Variants in RASAL3 observed in about 807,000 individuals in gnomAD.
RASAL3 encodes RAS protein activator like 3, also known as RAS protein activator like-3.
Under a neutral mutation model 105.5 loss-of-function variants are expected in RASAL3, and 74 were observed. The ratio of observed to expected loss-of-function variants is 0.70; its 90% CI spans 0.58 to 0.85. The LOEUF (loss-of-function observed/expected upper bound fraction) is 0.85, where lower values mean the gene tolerates loss of function less well. RASAL3 is among the 40% of genes least tolerant of loss of function. The pLI, the probability that RASAL3 is intolerant of heterozygous loss-of-function variation, is 0.00. For missense variants in RASAL3, 1,352 were observed against 1,392.0 expected (o/e 0.97, Z 0.46); for synonymous variants, 579 against 591.6 (o/e 0.98, Z 0.31).
chr19:15,462,671 G>A (rs1293888138), intron 2 of RASAL3, among the ~76,000 whole-genome samples: 1 of 151,888 alleles, frequency 6.6e-6, no homozygotes, highest in Non-Finnish European at 1.5e-5. Context: ...TTGGGCCTGG[G>A]GCCGGGCGCG....
rs141449041 is a variant in RASAL3, at chr19:15,457,702, C to T, written c.1021G>A (p.Ala341Thr). ...WLDGALLART[A>T]PRAGPGQLFW... ...AGCTGGCCTGGGCCGGCCCGAGGCG[C>T]CGTGCGTGCCAGCAGCGCGCCATCC... is the stretch of plus-strand genomic sequence containing the variant. The change falls in exon 9 of 18, where the codon GCG becomes ACG. Residue 341 changes from alanine to threonine, a missense_variant. This residue lies in a region of RASAL3 where 88 missense variants were observed against 132.7 expected (regional missense o/e 0.66). Coordinates refer to ENST00000343625, the MANE Select transcript of RASAL3 (RefSeq NM_022904.3). The surrounding 1 kb of genome is among the most constrained non-coding windows in gnomAD (Gnocchi z 8.6). The T allele has an allele frequency of 3.0e-3, 4,389 of 1,475,284 alleles. 123 individuals carry two copies. In the Admixed American group the frequency reaches 0.063, roughly 21 times the overall value. 91.4% of individuals were successfully genotyped at this position (1,475,284 alleles called of 1,614,324 possible). A position where few individuals can be genotyped will look rare whatever the true frequency, so the allele number is the denominator to read the frequency against.
intron 15 of RASAL3, 60 bp from the exon 16 acceptor site, chr19:15,452,875 A>C: frequency 6.7e-7 from 1 of 1,481,620 alleles, no homozygotes; most frequent in East Asian, 2.5e-5. Flanking sequence ...CTCCCCGGAG[A>C]CCCTGACCTC....
At position 15,452,120 on chromosome 19, in the gene RASAL3, G is replaced by A. The variant is rs779608771; in HGVS notation, c.2829-12C>T. ...CAAACTCTGAGCTCCTGTGGGGGTC[G>A]GGGGATTGGGGCGAAGGGCAGAGGC... On this transcript the variant is annotated splice_polypyrimidine_tract_variant and intron_variant, in intron 16 of 17. Transcript: ENST00000343625. 1.2e-6 allele frequency: 2 copies of A among 1,613,544 alleles called. No individual in the cohort carries two copies. Among genetic ancestry groups the A allele is most frequent in the Non-Finnish European group, 1.7e-6 (2 of 1,179,652 alleles).
chr19:15,460,980 A>C, intron 5 of RASAL3, 80 bp downstream of exon 5: 1 of 1,345,504 alleles, frequency 7.4e-7, no homozygotes, highest in South Asian at 1.2e-5. Context: ...CAGATCACCC[A>C]GCAAGAGTGC....
At chr19:15,452,852 C>A in intron 15 of RASAL3, 37 bp from the exon 16 acceptor site, 1 of 1,499,924 alleles carries the variant, frequency 6.7e-7, no homozygotes, top group South Asian at 1.3e-5. Flanking sequence ...GACCCGTTGT[C>A]CCGCCCCTGT....
Position 15,456,575 on chromosome 19 carries a change from T to C in RASAL3, c.1503A>G (p.Glu501=), listed in dbSNP as rs755425031. Residue 501 remains glutamate (E), a synonymous_variant, in exon 10 of 18, where the codon GAA becomes GAG. Transcript: ENST00000343625. The surrounding 1 kb of genome is among the most constrained non-coding windows in gnomAD (Gnocchi z 4.4). ...CGGREALLFR[E]NTLATKAIDE... is the part of the protein sequence containing the mutation. ...CGATAGCCTTGGTGGCCAATGTGTT[T>C]TCCCGGAACAGCAGCGCCTCACGGC... The C allele has an allele frequency of 1.9e-6, 3 of 1,613,792 alleles. No individual in the cohort carries two copies. The highest frequency in any genetic ancestry group is 3.3e-5 in the Admixed American group (2 of 59,982).
At position 15,453,272 on chromosome 19, in the gene RASAL3, C is replaced by G. The variant is rs1970215552; in HGVS notation, c.2505G>C (p.Trp835Cys). ...PARRRQSAGP[W>C]PRPKGSLSMG... ...TGCTCAGGGAGCCTTTGGGTCGCGG[C>G]CAGGGCCCCGCAGATTGGCGGCGGC... Residue 835 changes from tryptophan (W) to cysteine (C), a missense_variant, in exon 15 of 18, where the codon TGG (tryptophan) becomes TGC (cysteine). Trp to Cys is a radical substitution (Grantham distance 215, BLOSUM62 -2). Transcript: ENST00000343625. This position sits in a 1 kb window ranked among gnomAD's most constrained non-coding sequence, Gnocchi z 4.2. 2 of 1,551,586 alleles carry G rather than the reference C, an allele frequency of 1.3e-6. No homozygotes were observed. The highest frequency in any genetic ancestry group is 4.8e-5 in the East Asian group (2 of 41,472).
At chr19:15,454,038 A>G (rs1159945583) in intron 14 of RASAL3, 111 bp downstream of exon 14, 16 of 760,106 alleles carry the variant, frequency 2.1e-5, no homozygotes. Context: ...TTCCCGTCTG[A>G]CCCTGGGCTT....
At position 15,453,783 on chromosome 19, in the gene RASAL3, G is replaced by A. The variant is rs1484145836; in HGVS notation, c.2280-286C>T. 6.7e-6 allele frequency among the ~76,000 whole-genome samples: 1 copy of A among 150,366 alleles called. No homozygotes were observed. Among genetic ancestry groups the A allele is most frequent in the Non-Finnish European group, 1.5e-5 (1 of 67,644 alleles). ...GGTAATTTTTTTTTTTTTTGGTAGA[G>A]ATGGGGTCTCCCTATGTTGCCCAGG... On this transcript the variant is annotated intron_variant, in intron 14 of 17. Transcript: ENST00000343625. This position sits in a 1 kb window ranked among gnomAD's most constrained non-coding sequence, Gnocchi z 4.2.
rs1054660586 is a variant in RASAL3, at chr19:15,458,740, G to A, written c.663-85C>T. ...TGAAGGGTAGAGGAAGGCCAGGAAG[G>A]ACTTCAACCCAATTCGGATCCCGTT... On this transcript the variant is annotated intron_variant, in intron 6 of 17. Transcript: ENST00000343625. 11 of 1,509,882 alleles carry A rather than the reference G, an allele frequency of 7.3e-6. No individual in the cohort carries two copies. The African/African-American group carries it at 1.2e-4, about 17-fold the overall frequency. 93.5% of individuals were successfully genotyped at this position (1,509,882 alleles called of 1,614,324 possible).
Position 15,452,772 on chromosome 19 carries a change from T to C in RASAL3, c.2714A>G (p.Gln905Arg), listed in dbSNP as rs776491854. The C allele has an allele frequency of 1.3e-6, 2 of 1,564,404 alleles. No homozygotes were observed. The highest frequency in any genetic ancestry group is 1.7e-6 in the Non-Finnish European group (2 of 1,154,016). The part of the protein sequence containing the change: ...QCEVAALREE[Q>R]KVLSRLVESL... ...CTCCACGAGGCGGGACAGCACTTTC[T>C]GCTCCTCACGCAGAGCGGCCACCTC... is the stretch of plus-strand genomic sequence containing the variant. Residue 905 changes from glutamine to arginine, a missense_variant, in exon 16 of 18, where the codon CAG (glutamine) becomes CGG (arginine). Gln to Arg is a conservative substitution (Grantham distance 43). Coordinates refer to ENST00000343625, the MANE Select transcript of RASAL3 (RefSeq NM_022904.3).
Position 15,464,120 on chromosome 19 carries a change from G to A in RASAL3, c.239C>T (p.Thr80Ile), listed in dbSNP as rs541077407. The change falls in exon 2 of 18, where the codon ACC becomes ATC. Residue 80 changes from threonine (T) to isoleucine (I), a missense_variant. Thr to Ile is a moderately conservative substitution (Grantham distance 89). Transcript: ENST00000343625. ...VLSAPPKESR[T>I]SRLRLSKALW... Reference sequence around the variant, plus strand: ...GGCCTTGGAGAGTCGAAGGCGACTGGTCCGTGACTCCTTGGGAGGCGCAGA... The same window carrying A: ...GGCCTTGGAGAGTCGAAGGCGACTGATCCGTGACTCCTTGGGAGGCGCAGA... The A allele has an allele frequency of 1.3e-4, 208 of 1,613,520 alleles. 5 individuals carry two copies. In the South Asian group the frequency reaches 2.1e-3, roughly 16 times the overall value.
rs765830799 is a variant in RASAL3 at position 15,453,459 on chromosome 19, CG to C, written c.2317del (p.Arg773GlyfsTer70). The C allele has an allele frequency of 1.1e-5, 17 of 1,544,350 alleles. No homozygotes were observed. Among genetic ancestry groups the C allele is most frequent in the South Asian group, 7.3e-5 (6 of 82,316 alleles). On this transcript the variant is annotated frameshift_variant, in exon 15 of 18. Coordinates refer to ENST00000343625, the MANE Select transcript of RASAL3 (RefSeq NM_022904.3). LOFTEE classifies it high-confidence loss of function. The surrounding 1 kb of genome is among the most constrained non-coding windows in gnomAD (Gnocchi z 4.2). ...AGEKPGFLAP[R>X]DLPKHTPLIS... ...GAGAGGGGTGTGCTTGGGGAGGTCC[CG>C]GGGGGCCAGGAAGCCGGGCTTCTCC...
At position 15,464,047 on chromosome 19, in the gene RASAL3, C is replaced by T. The variant is rs78677793; in HGVS notation, c.312G>A (p.Pro104=). The T allele has an allele frequency of 0.15, 235,732 of 1,566,946 alleles. 18,771 individuals are homozygous for T. Among genetic ancestry groups the T allele is most frequent in the Non-Finnish European group, 0.17 (191,590 of 1,154,256 alleles). Residue 104 remains proline, a synonymous_variant, in exon 2 of 18, where the codon CCG becomes CCA. Coordinates refer to ENST00000343625, the MANE Select transcript of RASAL3 (RefSeq NM_022904.3). ...KNPPPEPDPE[P]EQEAPELEPE... The stretch of plus-strand genomic sequence containing the variant: ...ACCATGTACCTGGGGCCTCCTGCTC[C>T]GGCTCCGGGTCTGGCTCCGGCGGTG...
At chr19:15,452,517 C>T (rs947523327) in intron 16 of RASAL3, 141 bp downstream of exon 16, 1 of 753,630 alleles carries the variant, frequency 1.3e-6, no homozygotes, top group African/African-American at 2.0e-5. Flanking sequence ...AGAGGCAGGG[C>T]CTGGACAGAC....
chr19:15,453,600 T>TA lies in RASAL3; in HGVS notation c.2280-104_2280-103insT. The TA allele has an allele frequency of 8.1e-7, 1 of 1,229,820 alleles. No individual in the cohort carries two copies. Among genetic ancestry groups the TA allele is most frequent in the Non-Finnish European group, 1.1e-6 (1 of 930,310 alleles). The allele number at this position is 1,229,820 out of a possible 1,614,324, so 76.2% of individuals were successfully genotyped here. A position where few individuals can be genotyped will look rare whatever the true frequency, so the allele number is the denominator to read the frequency against. ...TCACCCCCCACGTGAACTTGTCCTT[T>TA]CTTTTTTTTTTTTGAGACAAGGTCT... is the stretch of plus-strand genomic sequence containing the variant. On this transcript the variant is annotated intron_variant, in intron 14 of 17. Transcript: ENST00000343625. This position sits in a 1 kb window ranked among gnomAD's most constrained non-coding sequence, Gnocchi z 4.2.
intron 11 of RASAL3, among the ~76,000 whole-genome samples, chr19:15,455,152 G>A (rs1383779276): frequency 6.6e-6 from 1 of 152,124 alleles, no homozygotes; most frequent in African/African-American, 2.4e-5. Flanking sequence ...CAATCGCTGG[G>A]GATAATACTC....
Position 15,457,934 on chromosome 19 carries a change from G to T in RASAL3, c.889-100C>A. On this transcript the variant is annotated intron_variant, in intron 8 of 17. Transcript: ENST00000343625. This position sits in a 1 kb window ranked among gnomAD's most constrained non-coding sequence, Gnocchi z 8.6. ...TGGAGCCTCAAACCTGTTGCGTCGG[G>T]TCCCTAGGGAGATTGCTGGGCCTTT... is the stretch of plus-strand genomic sequence containing the variant. 1 of 1,359,722 alleles carries T rather than the reference G, an allele frequency of 7.4e-7. No homozygotes were observed. Among genetic ancestry groups the T allele is most frequent in the Non-Finnish European group, 1.0e-6 (1 of 998,310 alleles). 84.2% of individuals were successfully genotyped at this position (1,359,722 alleles called of 1,614,324 possible).
Position 15,456,345 on chromosome 19 carries a change from C to T in RASAL3, c.1577-97G>A, listed in dbSNP as rs1338225327. 1 of 1,550,708 alleles carries T rather than the reference C, an allele frequency of 6.4e-7. No homozygotes were observed. The highest frequency in any genetic ancestry group is 8.7e-7 in the Non-Finnish European group (1 of 1,143,862). On this transcript the variant is annotated intron_variant, in intron 10 of 17. Transcript: ENST00000343625. This position sits in a 1 kb window ranked among gnomAD's most constrained non-coding sequence, Gnocchi z 4.4. ...TTGTCTTCAGGTTATTCCGGAGGCA[C>T]CCAACATCTTGGGGAGCTCCCAATT...
Sources: allele counts gnomAD v4.1 joint callset (sites outside exome capture counted in the v4.1 genomes callset), GRCh38; gene constraint gnomAD v4.1.1; regional missense constraint gnomAD v4.1.1; non-coding constraint Gnocchi (gnomAD v3.1); transcripts MANE v1.5; gene names NCBI Gene and HGNC (gene_info 2026-07-23, HGNC 2026-07-21).